Variants in SCFD2 observed in about 807,000 individuals in gnomAD.
SCFD2 encodes sec1 family domain-containing protein 2.
Under a neutral mutation model 58.9 loss-of-function variants are expected in SCFD2, and 54 were observed. The ratio of observed to expected loss-of-function variants is 0.92; its 90% confidence interval spans 0.74 to 1.15. The LOEUF (loss-of-function observed/expected upper bound fraction) is 1.15. Among genes scored for constraint, SCFD2 ranks in the 50% most tolerant of loss-of-function variants. SCFD2 has a pLI of 0.00. For synonymous variants in SCFD2, 321 were observed against 335.9 expected (o/e 0.96, Z 0.49); for missense variants, 805 against 836.6 (o/e 0.96, Z 0.47).
intron 3 of SCFD2, among the ~76,000 whole-genome samples, chr4:53,309,285 G>C (rs1026259631): frequency 1.2e-4 from 18 of 152,148 alleles, no homozygotes; most frequent in African/African-American, 4.3e-4. Flanking sequence ...GTAAAAAGTA[G>C]GAAAGGCTTG....
chr4:52,926,320 G>C (rs1270505770), intron 5 of SCFD2, among the ~76,000 whole-genome samples: 1 of 151,998 alleles, frequency 6.6e-6, no homozygotes, highest in Non-Finnish European at 1.5e-5. Flanking sequence ...TTCATCAGAA[G>C]GGTGCTTCAG....
intron 5 of SCFD2, among the ~76,000 whole-genome samples, chr4:53,124,963 A>G (rs1264329286): frequency 1.3e-5 from 2 of 152,198 alleles, no homozygotes; most frequent in South Asian, 2.1e-4. Context: ...CATTTTAGAC[A>G]TGGAGTAACG....
Position 52,885,183 on chromosome 4 carries a change from A to G in SCFD2, c.1962+564T>C, listed in dbSNP as rs987879627. 3.0e-4 allele frequency among the ~76,000 whole-genome samples: 45 copies of G among 151,450 alleles called. No individual in the cohort carries two copies. In the South Asian group the frequency reaches 3.6e-3, roughly 12 times the overall value. On this transcript the variant is annotated intron_variant, in intron 8 of 8. Transcript: ENST00000401642. ...TTGTCTGGACAGTGATCCTTCCCAC[A>G]CTCCTCTGGCCCCGCCCTCTAATTG...
At chr4:52,984,170 A>C (rs1293153993) in intron 5 of SCFD2, among the ~76,000 whole-genome samples, 1 of 152,226 alleles carries the variant, frequency 6.6e-6, no homozygotes, top group East Asian at 1.9e-4. Flanking sequence ...TAGGGTGGTA[A>C]ATATAACCCC....
intron 5 of SCFD2, among the ~76,000 whole-genome samples, chr4:52,972,615 GAA>G: frequency 6.6e-6 from 1 of 152,250 alleles, no homozygotes; most frequent in Admixed American, 6.5e-5. Context: ...CAACAAGACA[GAA>G]AATTAACAAG....
In SCFD2 at chr4:53,159,581, G is replaced by A. The variant is rs374864679; in HGVS notation, c.1312-13999C>T. 5.9e-5 allele frequency among the ~76,000 whole-genome samples: 9 copies of A among 152,324 alleles called. No homozygotes were observed. The East Asian group carries it at 1.5e-3, about 26-fold the overall frequency. On this transcript the variant is annotated intron_variant, in intron 4 of 8. Coordinates refer to ENST00000401642, the MANE Select transcript of SCFD2 (RefSeq NM_152540.4). ...AGTAGCAGGGAAACTTTAGACATCA[G>A]AGGTAATCTACTGACTAGTGGCTCC...
intron 5 of SCFD2, among the ~76,000 whole-genome samples, chr4:53,001,203 C>T (rs1296403106): frequency 6.6e-6 from 1 of 152,102 alleles, no homozygotes; most frequent in Non-Finnish European, 1.5e-5. Context: ...TACAGTGGCT[C>T]CAGAGAACTG....
intron 3 of SCFD2, among the ~76,000 whole-genome samples, chr4:53,310,263 C>G (rs550787941): frequency 1.3e-4 from 20 of 152,154 alleles, no homozygotes; most frequent in Non-Finnish European, 2.6e-4. Context: ...ACTCTGGCTA[C>G]AAAGAAAAGA....
At chr4:52,970,262 T>C (rs1448972860) in intron 5 of SCFD2, among the ~76,000 whole-genome samples, 2 of 152,204 alleles carry the variant, frequency 1.3e-5, no homozygotes, top group Non-Finnish European at 2.9e-5. Context: ...GAATTCCCTT[T>C]CCTAGTCAAA....
chr4:53,172,727 T>C (rs1211317439), intron 4 of SCFD2, among the ~76,000 whole-genome samples: 1 of 152,220 alleles, frequency 6.6e-6, no homozygotes, highest in Non-Finnish European at 1.5e-5. Flanking sequence ...TTCAGTCCCC[T>C]AAGTTTATTC....
intron 2 of SCFD2, among the ~76,000 whole-genome samples, chr4:53,348,446 T>C (rs1405626279): frequency 6.6e-6 from 1 of 152,218 alleles, no homozygotes; most frequent in Non-Finnish European, 1.5e-5. Context: ...ACATATAAAT[T>C]GTGCTAGGAA....
chr4:53,360,853 T>C (rs1175906163), intron 1 of SCFD2, among the ~76,000 whole-genome samples: 1 of 152,244 alleles, frequency 6.6e-6, no homozygotes, highest in Non-Finnish European at 1.5e-5. Context: ...AGAATGCCCA[T>C]AGCATCCCAT....
chr4:53,244,820 GA>G lies in SCFD2; in HGVS notation c.1311+29005del, dbSNP rs57139765. Among the ~76,000 whole-genome samples the G allele has an allele frequency of 6.8e-3, 810 of 118,844 alleles. 4 individuals carry two copies. Among genetic ancestry groups the G allele is most frequent in the African/African-American group, 0.021 (702 of 33,204 alleles). The allele number at this position is 118,844 out of a possible 152,430, so 78.0% of individuals were successfully genotyped here. A position where few individuals can be genotyped will look rare whatever the true frequency, so the allele number is the denominator to read the frequency against. ...CCAACCCAAGCCTTGGGGTATTTCT[GA>G]AAAAAAAAAATAATAATAATAATAA... On this transcript the variant is annotated intron_variant, in intron 4 of 8. Coordinates refer to ENST00000401642, the MANE Select transcript of SCFD2 (RefSeq NM_152540.4).
chr4:53,137,505 A>G (rs1725977878), intron 5 of SCFD2, among the ~76,000 whole-genome samples: 2 of 152,244 alleles, frequency 1.3e-5, no homozygotes, highest in Non-Finnish European at 2.9e-5. Context: ...ATCCTAATGC[A>G]TATAAAGCTA....
intron 5 of SCFD2, among the ~76,000 whole-genome samples, chr4:53,079,728 A>G (rs1193907291): frequency 6.6e-6 from 1 of 152,162 alleles, no homozygotes; most frequent in Non-Finnish European, 1.5e-5. Flanking sequence ...GACTCTTGAT[A>G]AATGCTTACA....
intron 4 of SCFD2, among the ~76,000 whole-genome samples, chr4:53,263,197 T>G (rs1285141572): frequency 1.3e-5 from 2 of 152,180 alleles, no homozygotes; most frequent in Non-Finnish European, 2.9e-5. Flanking sequence ...GACTTCACCT[T>G]TCTCTGGCGT....
chr4:53,281,332 C>T (rs1731502558), intron 3 of SCFD2, among the ~76,000 whole-genome samples: 1 of 152,178 alleles, frequency 6.6e-6, no homozygotes, highest in Non-Finnish European at 1.5e-5. Context: ...CCTGCTGATA[C>T]CATGAGCCCT....
At chr4:52,944,142 A>G (rs1720361119) in intron 5 of SCFD2, among the ~76,000 whole-genome samples, 1 of 152,214 alleles carries the variant, frequency 6.6e-6, no homozygotes, top group African/African-American at 2.4e-5. Context: ...TTGTATCTGG[A>G]TTAATATAAT....
At chr4:53,081,374 C>T (rs998713067) in intron 5 of SCFD2, among the ~76,000 whole-genome samples, 2 of 152,032 alleles carry the variant, frequency 1.3e-5, no homozygotes, top group Non-Finnish European at 2.9e-5. Flanking sequence ...GAGTATAATA[C>T]CCAATAGGGA....
Sources: allele counts gnomAD v4.1 joint callset (sites outside exome capture counted in the v4.1 genomes callset), GRCh38; gene constraint gnomAD v4.1.1; transcripts MANE v1.5; gene names NCBI Gene and HGNC (gene_info 2026-07-23, HGNC 2026-07-21).